Variants in JAG1 observed in about 807,000 individuals in gnomAD.
The protein encoded by JAG1 is jagged canonical Notch ligand 1, also known as protein jagged-1.
JAG1 carries 23 observed loss-of-function variants against 148.7 expected under a neutral mutation model. The ratio of observed to expected loss-of-function variants is 0.15; its 90% CI spans 0.11 to 0.22. The LOEUF is 0.22. Ranked by LOEUF, JAG1 falls within the 10% of genes least tolerant of loss-of-function variation. The pLI, the probability that JAG1 is intolerant of heterozygous loss-of-function variation, is 1.00. For synonymous variants in JAG1, 572 were observed against 598.3 expected (o/e 0.96, Z 0.64); for missense variants, 1,054 against 1,611.2 (o/e 0.65, Z 5.92).
Position 10,637,966 on chromosome 20 carries a change from C to T in JAG1, c.*1532G>A, listed in dbSNP as rs1469880948. The T allele has an allele frequency of 6.6e-6, 1 of 152,428 alleles. No homozygotes were observed. Among genetic ancestry groups the T allele is most frequent in the Non-Finnish European group, 1.5e-5 (1 of 67,898 alleles). The allele number at this position is 152,428 out of a possible 1,614,324, so 9.4% of individuals were successfully genotyped here. A position where few individuals can be genotyped will look rare whatever the true frequency, so the allele number is the denominator to read the frequency against. Reference sequence around the variant, plus strand: ...AACTACGTAAGCTCAGAAGAGGCCACACTGTTCCATGTTTTCATACAAAAA... The same window carrying T: ...AACTACGTAAGCTCAGAAGAGGCCATACTGTTCCATGTTTTCATACAAAAA... On this transcript the variant is annotated 3_prime_UTR_variant, in exon 26 of 26. Coordinates refer to ENST00000254958, the MANE Select transcript of JAG1 (RefSeq NM_000214.3).
chr20:10,648,234 C>A (rs970192470), intron 12 of JAG1, 124 bp from the exon 13 acceptor site: 3 of 1,129,068 alleles, frequency 2.7e-6, no homozygotes, highest in Non-Finnish European at 4.0e-6. Flanking sequence ...TAGGAGACAC[C>A]CTGTAAGATA....
At chr20:10,655,976 C>T (rs2067376142) in intron 5 of JAG1, among the ~76,000 whole-genome samples, 1 of 152,268 alleles carries the variant, frequency 6.6e-6, no homozygotes, top group African/African-American at 2.4e-5. Flanking sequence ...GGACTAATCC[C>T]ATTCTAAAGA....
At chr20:10,655,973 T>C (rs1738129451) in intron 5 of JAG1, among the ~76,000 whole-genome samples, 1 of 152,076 alleles carries the variant, frequency 6.6e-6, no homozygotes, top group African/African-American at 2.4e-5. Context: ...ATTGGACTAA[T>C]CCCATTCTAA....
chr20:10,672,748 C>T lies in JAG1; in HGVS notation c.340G>A (p.Gly114Ser). ...AGCACGATGCGGTTGCGGTCGTTGC[C>T]GCGGCTGGCCTTGAGGTTGAAGGTG... Reference protein sequence around the residue: ...GNTFNLKASRGNDRNRIVLPF... With the variant: ...GNTFNLKASRSNDRNRIVLPF... The change falls in exon 2 of 26, where the codon GGC (glycine) becomes AGC (serine). Residue 114 changes from glycine (G) to serine (S), a missense_variant. Physicochemically the swap from Gly to Ser is moderately conservative, Grantham distance 56 (BLOSUM62 0). Coordinates refer to ENST00000254958, the MANE Select transcript of JAG1 (RefSeq NM_000214.3). 1 of 1,613,068 alleles carries T rather than the reference C, an allele frequency of 6.2e-7. No homozygotes were observed. The highest frequency in any genetic ancestry group is 2.2e-5 in the East Asian group (1 of 44,872).
chr20:10,649,016 T>G (rs569930219), intron 11 of JAG1, 45 bp downstream of exon 11: 1 of 1,464,682 alleles, frequency 6.8e-7, no homozygotes, highest in South Asian at 1.1e-5. Context: ...TCTAAAGATT[T>G]GTTGTCAATT....
Position 10,648,626 on chromosome 20 carries a change from T to A in JAG1, c.1492A>T (p.Asn498Tyr). ...IDECASNPCLNGGHCQNEINR... is the reference protein window; with the variant it reads ...IDECASNPCLYGGHCQNEINR... ...ATTTCATTCTGACAGTGACCCCCAT[T>A]CAAACAGGGGTTGCTGGCACATTCA... Residue 498 changes from asparagine to tyrosine, a missense_variant, in exon 12 of 26, where the codon AAT (asparagine) becomes TAT (tyrosine). Physicochemically the swap from Asn to Tyr is moderately radical, Grantham distance 143 (BLOSUM62 -2). This residue lies in a region of JAG1 where 245 missense variants were observed against 373.1 expected (regional missense o/e 0.66). Coordinates refer to ENST00000254958, the MANE Select transcript of JAG1 (RefSeq NM_000214.3). The A allele has an allele frequency of 6.2e-7, 1 of 1,614,110 alleles. No individual in the cohort carries two copies. The highest frequency in any genetic ancestry group is 2.2e-5 in the East Asian group (1 of 44,876).
rs1018632242 is a variant in JAG1, at chr20:10,673,480, C to T, written c.51G>A (p.Leu17=). The change falls in exon 1 of 26, where the codon CTG becomes CTA. Residue 17 remains leucine, a synonymous_variant. Transcript: ENST00000254958. The surrounding 1 kb of genome is among the most constrained non-coding windows in gnomAD (Gnocchi z 4.7). ...RGRSGRPLSL[L]LALLCALRAK... ...CTCGCAGGGCACAGAGCAGGGCGAGCAGGAGGCTTAGGGGGCGCCCGGACC... is the reference window on the plus strand; with the variant it reads ...CTCGCAGGGCACAGAGCAGGGCGAGTAGGAGGCTTAGGGGGCGCCCGGACC... The T allele has an allele frequency of 1.3e-5, 18 of 1,363,790 alleles. No individual in the cohort carries two copies. The highest frequency in any genetic ancestry group is 1.7e-5 in the Non-Finnish European group (18 of 1,053,406). 84.5% of individuals were successfully genotyped at this position (1,363,790 alleles called of 1,614,324 possible).
At chr20:10,642,445 C>A in intron 21 of JAG1, 43 bp downstream of exon 21, 3 of 1,169,952 alleles carry the variant, frequency 2.6e-6, no homozygotes, top group East Asian at 2.3e-5. Context: ...AAAGCTCGCT[C>A]ACCCCAGAAG....
intron 5 of JAG1, 192 bp from the exon 6 acceptor site, chr20:10,652,790 C>T: frequency 1.9e-6 from 1 of 527,332 alleles, no homozygotes; most frequent in Non-Finnish European, 3.4e-6. Flanking sequence ...CCCCTCCCAG[C>T]CGACTCCTGA....
rs566576965 is a variant in JAG1 at position 10,644,847 on chromosome 20, G to C, written c.2344+16C>G. On this transcript the variant is annotated intron_variant, in intron 18 of 25. Transcript: ENST00000254958. Reference sequence around the variant, plus strand: ...TCCGACAGCCCTGGGAGAGTTCAAGGGGGGAGGACACTCACTCTGAGCACA... The same window carrying C: ...TCCGACAGCCCTGGGAGAGTTCAAGCGGGGAGGACACTCACTCTGAGCACA... 1.7e-5 allele frequency: 27 copies of C among 1,574,504 alleles called. No homozygotes were observed. Among genetic ancestry groups the C allele is most frequent in the Admixed American group, 6.7e-5 (4 of 59,964 alleles).
At chr20:10,667,250 C>T (rs2067460813) in intron 2 of JAG1, among the ~76,000 whole-genome samples, 1 of 152,254 alleles carries the variant, frequency 6.6e-6, no homozygotes, top group South Asian at 2.1e-4. Context: ...CACGCACATC[C>T]TGGGAATGCC....
rs764149256 is a variant in JAG1 at position 10,644,402 on chromosome 20, C to T, written c.2345-18G>A. The T allele has an allele frequency of 4.3e-6, 7 of 1,609,658 alleles. No homozygotes were observed. In the East Asian group the frequency reaches 1.6e-4, roughly 36 times the overall value. On this transcript the variant is annotated intron_variant, in intron 18 of 25. Coordinates refer to ENST00000254958, the MANE Select transcript of JAG1 (RefSeq NM_000214.3). ...ATTGGTATCTGCAAAGAAAAGACAA[C>T]TTAATAGTGAGGACTTCAACAGGGA...
chr20:10,662,818 C>T (rs2067426504), intron 3 of JAG1, among the ~76,000 whole-genome samples: 1 of 152,104 alleles, frequency 6.6e-6, no homozygotes, highest in South Asian at 2.1e-4. Context: ...TCATGAGCTC[C>T]CCCTCCAGGG....
chr20:10,648,051 A>G lies in JAG1; in HGVS notation c.1629T>C (p.Arg543=). ...GGCACTTGCAGAAATAGTCACTGGCACGGTTGTAGCACTGGGCACCGTTCT... is the reference window on the plus strand; with the variant it reads ...GGCACTTGCAGAAATAGTCACTGGCGCGGTTGTAGCACTGGGCACCGTTCT... ...PCQNGAQCYN[R]ASDYFCKCPE... is the part of the protein sequence containing the mutation. Residue 543 remains arginine (R), a synonymous_variant, in exon 13 of 26, where the codon CGT becomes CGC. Coordinates refer to ENST00000254958, the MANE Select transcript of JAG1 (RefSeq NM_000214.3). 6.2e-7 allele frequency: 1 copy of G among 1,614,160 alleles called. No homozygotes were observed. The highest frequency in any genetic ancestry group is 8.5e-7 in the Non-Finnish European group (1 of 1,180,020).
Position 10,672,679 on chromosome 20 carries a change from T to C in JAG1, c.387+22A>G, listed in dbSNP as rs373132319. Reference sequence around the variant, plus strand: ...CGCGGGTGTGAGGCTCCGCCCGGCCTCCTTCCCGAGTAGTCACTCACCGGC... The same window carrying C: ...CGCGGGTGTGAGGCTCCGCCCGGCCCCCTTCCCGAGTAGTCACTCACCGGC... On this transcript the variant is annotated intron_variant, in intron 2 of 25. Coordinates refer to ENST00000254958, the MANE Select transcript of JAG1 (RefSeq NM_000214.3). 61 of 1,610,644 alleles carry C rather than the reference T, an allele frequency of 3.8e-5. No homozygotes were observed. In the South Asian group the frequency reaches 6.4e-4, roughly 17 times the overall value.
chr20:10,639,463 A>T lies in JAG1; in HGVS notation c.*35T>A, dbSNP rs114275537. On this transcript the variant is annotated 3_prime_UTR_variant, in exon 26 of 26. Coordinates refer to ENST00000254958, the MANE Select transcript of JAG1 (RefSeq NM_000214.3). ...ACAGTTTAAAGAACTACAAGCCCTC[A>T]GACTCTACCTAGCGGCGGCAGTGCC... 93 of 1,568,828 alleles carry T rather than the reference A, an allele frequency of 5.9e-5. No individual in the cohort carries two copies. The African/African-American group carries it at 1.2e-3, about 20-fold the overall frequency.
intron 22 of JAG1, 33 bp from the exon 23 acceptor site, chr20:10,641,726 G>C (rs200645828): frequency 1.1e-5 from 17 of 1,609,700 alleles, no homozygotes; most frequent in Non-Finnish European, 1.3e-5. Flanking sequence ...AGCTTAGCAG[G>C]CATGCTCATC....
chr20:10,652,104 G>C (rs1292058633), intron 7 of JAG1, 27 bp downstream of exon 7: 1 of 1,612,910 alleles, frequency 6.2e-7, no homozygotes, highest in South Asian at 1.1e-5. Flanking sequence ...TTAGACAAAG[G>C]GCTCTCATTC....
intron 3 of JAG1, among the ~76,000 whole-genome samples, chr20:10,660,742 G>A (rs2067411175): frequency 6.6e-6 from 1 of 152,186 alleles, no homozygotes; most frequent in Non-Finnish European, 1.5e-5. Context: ...TCTGCTGCCT[G>A]CTTCCTGATC....
Sources: allele counts gnomAD v4.1 joint callset (sites outside exome capture counted in the v4.1 genomes callset), GRCh38; gene constraint gnomAD v4.1.1; regional missense constraint gnomAD v4.1.1; non-coding constraint Gnocchi (gnomAD v3.1); transcripts MANE v1.5; gene names NCBI Gene and HGNC (gene_info 2026-07-23, HGNC 2026-07-21).